Variants in RANBP2 observed in about 807,000 individuals in gnomAD.
RANBP2 encodes RAN binding protein 2.
A neutral mutation model predicts 303.6 loss-of-function variants in RANBP2; 57 were observed. The ratio of observed to expected loss-of-function variants is 0.19; its 90% confidence interval spans 0.15 to 0.23. The LOEUF (loss-of-function observed/expected upper bound fraction) is 0.23. Among genes scored for constraint, RANBP2 ranks in the 10% least tolerant of loss-of-function variants. RANBP2 has a pLI of 1.00. For synonymous variants in RANBP2, 1,167 were observed against 1,301.5 expected (o/e 0.90, Z 2.23); for missense variants, 3,138 against 3,780.8 (o/e 0.83, Z 4.46).
chr2:108,880,912 A>C, the RANBP2 span, among the ~76,000 whole-genome samples: 206 of 152,334 alleles, frequency 1.4e-3, no homozygotes, highest in African/African-American at 4.6e-3. Context: ...TTTCAAGTCG[A>C]TTTGCTTCTC....
chr2:109,378,772 T>C, the RANBP2 span, among the ~76,000 whole-genome samples: 4 of 152,206 alleles, frequency 2.6e-5, no homozygotes, highest in Non-Finnish European at 1.5e-5. Flanking sequence ...AGGCTTCCAC[T>C]CTGGAAGTTG....
Position 108,766,103 on chromosome 2 carries a change from C to T in RANBP2, c.5564C>T (p.Thr1855Ile), listed in dbSNP as rs563502954. 6.2e-6 allele frequency: 10 copies of T among 1,614,058 alleles called. No homozygotes were observed. The highest frequency in any genetic ancestry group is 8.5e-6 in the Non-Finnish European group (10 of 1,179,996). ...GAAAAAGCTTCTAAGTTTGGCAATA[C>T]AGAGCAAGGATTCAAATTTGGGCAT... ...FSEKASKFGN[T>I]EQGFKFGHVD... is the part of the protein sequence containing the mutation. The change falls in exon 20 of 29, where the codon ACA becomes ATA. Residue 1855 changes from threonine to isoleucine, a missense_variant. Thr to Ile is a moderately conservative substitution (Grantham distance 89). Transcript: ENST00000283195.
the RANBP2 span, among the ~76,000 whole-genome samples, chr2:109,657,004 T>C: frequency 6.6e-6 from 1 of 152,326 alleles, no homozygotes; most frequent in South Asian, 2.1e-4. Context: ...TTCTGGCCCA[T>C]TATTTCAACA....
the RANBP2 span, among the ~76,000 whole-genome samples, chr2:109,462,185 C>T: frequency 4.7e-5 from 7 of 149,628 alleles, no homozygotes; most frequent in African/African-American, 9.9e-5. Context: ...TGGGCCATCT[C>T]GTATGACATC....
the RANBP2 span, among the ~76,000 whole-genome samples, chr2:109,471,858 G>A: frequency 6.6e-6 from 1 of 152,204 alleles, no homozygotes; most frequent in Non-Finnish European, 1.5e-5. Context: ...TCTATTTGCT[G>A]AGACTATGCA....
At chr2:109,516,739 C>T in the RANBP2 span, among the ~76,000 whole-genome samples, 2 of 152,230 alleles carry the variant, frequency 1.3e-5, no homozygotes, top group Non-Finnish European at 2.9e-5. Context: ...TCCCCTCGAC[C>T]GAACAATTCA....
chr2:108,892,746 C>T, the RANBP2 span, among the ~76,000 whole-genome samples: 1 of 152,184 alleles, frequency 6.6e-6, no homozygotes, highest in African/African-American at 2.4e-5. Context: ...CTTATTCACC[C>T]TTTCCCTGAA....
the RANBP2 span, among the ~76,000 whole-genome samples, chr2:109,042,955 G>A: frequency 1.1e-3 from 173 of 152,332 alleles, 1 homozygote; most frequent in African/African-American, 4.0e-3. Flanking sequence ...GACACAAAGA[G>A]AATCAGGAAC....
intron 23 of RANBP2, among the ~76,000 whole-genome samples, chr2:108,773,361 C>T (rs1004527041): frequency 8.6e-5 from 13 of 151,956 alleles, no homozygotes; most frequent in African/African-American, 2.7e-4. Context: ...TCAGGTGATG[C>T]GCCTGACCTA....
the RANBP2 span, among the ~76,000 whole-genome samples, chr2:109,473,469 T>G: frequency 1 from 152,263 of 152,310 alleles, 76,109 homozygotes; most frequent in African/African-American, 1. Flanking sequence ...CTGTGGGGGA[T>G]GTAAAATAGC....
chr2:108,775,965 T>C (rs866746387), intron 24 of RANBP2, 29 bp downstream of exon 24: 5 of 1,568,558 alleles, frequency 3.2e-6, no homozygotes, highest in Middle Eastern at 1.8e-4. Context: ...TTATCATGTG[T>C]TACATAAGGG....
At chr2:109,308,537 TA>T in the RANBP2 span, among the ~76,000 whole-genome samples, 1 of 59,016 alleles carries the variant, frequency 1.7e-5, no homozygotes, top group Non-Finnish European at 2.8e-5. Flanking sequence ...GGTTTTCTTC[TA>T]GGGTTTTTAT....
At chr2:108,966,517 T>A in the RANBP2 span, among the ~76,000 whole-genome samples, 1 of 152,230 alleles carries the variant, frequency 6.6e-6, no homozygotes, top group Non-Finnish European at 1.5e-5. Context: ...GTCTCAGCCA[T>A]ACCCTGTGCT....
chr2:108,854,074 TA>T, the RANBP2 span, among the ~76,000 whole-genome samples: 1,556 of 126,482 alleles, frequency 0.012, 37 homozygotes, highest in African/African-American at 0.046. Context: ...ATTTTATATA[TA>T]ATATAATAAA....
chr2:109,596,525 G>A, the RANBP2 span, among the ~76,000 whole-genome samples: 26 of 151,996 alleles, frequency 1.7e-4, no homozygotes, highest in Non-Finnish European at 3.5e-4. Flanking sequence ...GCTGAGGCAG[G>A]AGAATGGCGT....
At chr2:108,789,879 T>C (rs1679610017), downstream of RANBP2, among the ~76,000 whole-genome samples, 2 of 152,176 alleles carry the variant, frequency 1.3e-5, no homozygotes, top group Admixed American at 6.5e-5. Flanking sequence ...TATTTAATGC[T>C]AAAAATATGT....
chr2:108,953,780 C>T, the RANBP2 span, among the ~76,000 whole-genome samples: 3 of 152,098 alleles, frequency 2.0e-5, no homozygotes, highest in East Asian at 5.8e-4. Context: ...GGTGGAGAGG[C>T]CAGTTAGGCA....
chr2:108,754,410 A>G (rs572987136), intron 15 of RANBP2, among the ~76,000 whole-genome samples: 1 of 151,156 alleles, frequency 6.6e-6, no homozygotes, highest in Admixed American at 6.6e-5. Context: ...GATTGTCATG[A>G]TGATGTTAAA....
chr2:109,598,609 G>C, the RANBP2 span, among the ~76,000 whole-genome samples: 4 of 151,754 alleles, frequency 2.6e-5, no homozygotes, highest in African/African-American at 9.7e-5. Context: ...TTGGGAGGCT[G>C]AGGCAGGTAG....
Sources: gnomAD v4.1 joint callset for allele counts (sites outside exome capture counted in the v4.1 genomes callset) on GRCh38, gnomAD v4.1.1 for gene constraint, MANE v1.5 for transcripts, NCBI Gene and HGNC (gene_info 2026-07-23, HGNC 2026-07-21) for gene names.